The following FHOD3 variants were observed in gnomAD, a reference collection of about 807,000 sequenced individuals.
FHOD3 encodes FH1/FH2 domain-containing protein 3.
In FHOD3, 90 loss-of-function variants were observed where a neutral mutation model predicts 173.0. That is an observed-to-expected ratio of 0.52 (90% CI 0.44 to 0.62). The LOEUF (loss-of-function observed/expected upper bound fraction) is 0.62, where lower values mean the gene tolerates loss of function less well. FHOD3 is among the 20% of genes least tolerant of loss of function. The probability of loss-of-function intolerance (pLI) is 0.00; values close to 1 mark genes in which losing one functional copy is unlikely to be tolerated. For missense variants in FHOD3, 1,945 were observed against 2,034.7 expected (o/e 0.96, Z 0.85); for synonymous variants, 828 against 823.0 (o/e 1.01, Z -0.10).
chr18:36,728,534 G>T (rs1343407005), intron 19 of FHOD3, among the ~76,000 whole-genome samples: 1 of 151,848 alleles, frequency 6.6e-6, no homozygotes, highest in African/African-American at 2.4e-5. Flanking sequence ...CACAGGAATT[G>T]CCCCTCCTGA....
At chr18:36,468,888 G>C (rs2053113107) in intron 3 of FHOD3, among the ~76,000 whole-genome samples, 1 of 152,180 alleles carries the variant, frequency 6.6e-6, no homozygotes, top group African/African-American at 2.4e-5. Context: ...CAGACACTGA[G>C]AACCTTTGAG....
chr18:36,385,526 G>A (rs9957689), intron 3 of FHOD3, among the ~76,000 whole-genome samples: 66,188 of 151,860 alleles, frequency 0.44, 14,846 homozygotes, highest in East Asian at 0.68. Flanking sequence ...CCTTGTGAGT[G>A]GCTGGGATTA....
intron 6 of FHOD3, among the ~76,000 whole-genome samples, chr18:36,577,532 C>G (rs1206511363): frequency 6.6e-6 from 1 of 152,184 alleles, no homozygotes; most frequent in African/African-American, 2.4e-5. Context: ...AACTCCTGGC[C>G]TCAAATGATC....
At chr18:36,566,315 C>T (rs927236509) in intron 5 of FHOD3, among the ~76,000 whole-genome samples, 1 of 152,100 alleles carries the variant, frequency 6.6e-6, no homozygotes, top group African/African-American at 2.4e-5. Flanking sequence ...AAATTTTAAA[C>T]ATTTTTAAAA....
intron 3 of FHOD3, among the ~76,000 whole-genome samples, chr18:36,396,230 C>T (rs1411619427): frequency 6.6e-6 from 1 of 152,148 alleles, no homozygotes; most frequent in Non-Finnish European, 1.5e-5. Flanking sequence ...CTTTCTGAGT[C>T]AGTATCCTCA....
chr18:36,715,508 G>T (rs1414009665), intron 18 of FHOD3, among the ~76,000 whole-genome samples: 1 of 152,148 alleles, frequency 6.6e-6, no homozygotes, highest in Non-Finnish European at 1.5e-5. Flanking sequence ...AAGCCCCAAA[G>T]AGGCAAACCC....
intron 19 of FHOD3, among the ~76,000 whole-genome samples, chr18:36,720,699 TCTCCTC>T (rs952658443): frequency 1.3e-3 from 53 of 40,262 alleles, no homozygotes; most frequent in Non-Finnish European, 2.5e-3. Flanking sequence ...TCCCCCTCCT[TCTCCTC>T]CTCCTCCTCC....
rs543156808 is a variant in FHOD3, at chr18:36,334,033, A to G, written c.166-21506A>G. Among the ~76,000 whole-genome samples the G allele has an allele frequency of 1.8e-3, 278 of 152,314 alleles. 1 individual carries two copies. The highest frequency in any genetic ancestry group is 6.2e-3 in the African/African-American group (257 of 41,568). ...CCTTGACTGACCCCTGTCCTCCAGC[A>G]GGTCTGCTCAAGCTCTTGCATTCTC... On this transcript the variant is annotated intron_variant, in intron 1 of 28. Coordinates refer to ENST00000590592, the MANE Select transcript of FHOD3 (RefSeq NM_001281740.3).
At chr18:36,440,588 C>A (rs1003793077) in intron 3 of FHOD3, among the ~76,000 whole-genome samples, 1 of 152,250 alleles carries the variant, frequency 6.6e-6, no homozygotes, top group East Asian at 1.9e-4. Flanking sequence ...GACCACCAAG[C>A]CCCCAAGGGC....
At chr18:36,668,732 C>G (rs571713499) in intron 14 of FHOD3, among the ~76,000 whole-genome samples, 3 of 152,074 alleles carry the variant, frequency 2.0e-5, no homozygotes, top group East Asian at 1.9e-4. Context: ...TTTAAAAAGT[C>G]TTTACCCCAT....
intron 4 of FHOD3, 120 bp downstream of exon 4, chr18:36,502,119 A>G (rs1398077277): frequency 2.5e-5 from 14 of 563,748 alleles, no homozygotes; most frequent in Non-Finnish European, 3.1e-5. Context: ...CAATATTTAT[A>G]TTTAGATTAC....
intron 3 of FHOD3, among the ~76,000 whole-genome samples, chr18:36,402,506 T>TACACACAC (rs146120105): frequency 0.063 from 9,126 of 143,868 alleles, 295 homozygotes; most frequent in Middle Eastern, 0.11. Context: ...GATGCAATTA[T>TACACACAC]ACACACACAC....
chr18:36,473,974 C>T (rs1250567324), intron 3 of FHOD3, among the ~76,000 whole-genome samples: 1 of 152,202 alleles, frequency 6.6e-6, no homozygotes, highest in African/African-American at 2.4e-5. Context: ...CATTGCTGAT[C>T]CCACATCCCA....
intron 2 of FHOD3, among the ~76,000 whole-genome samples, chr18:36,362,007 G>A (rs2046650111): frequency 6.6e-6 from 1 of 152,222 alleles, no homozygotes; most frequent in Non-Finnish European, 1.5e-5. Context: ...AATGGACACT[G>A]GAATCAAAGG....
At chr18:36,505,890 A>G (rs1306767039) in intron 4 of FHOD3, among the ~76,000 whole-genome samples, 1 of 152,240 alleles carries the variant, frequency 6.6e-6, no homozygotes, top group Non-Finnish European at 1.5e-5. Flanking sequence ...GCACACATAA[A>G]TGAAATTTTG....
chr18:36,537,103 G>A (rs1182153812), intron 5 of FHOD3, among the ~76,000 whole-genome samples: 1 of 152,144 alleles, frequency 6.6e-6, no homozygotes, highest in Non-Finnish European at 1.5e-5. Flanking sequence ...ATCAGGCTTA[G>A]TGTGGATAGC....
intron 3 of FHOD3, among the ~76,000 whole-genome samples, chr18:36,404,418 G>T (rs1174178000): frequency 6.6e-6 from 1 of 152,232 alleles, no homozygotes; most frequent in Admixed American, 6.5e-5. Flanking sequence ...TGAATTAAAT[G>T]AGGTGAAAGT....
intron 5 of FHOD3, among the ~76,000 whole-genome samples, chr18:36,523,501 G>A (rs2056374357): frequency 1.3e-5 from 2 of 152,340 alleles, no homozygotes; most frequent in African/African-American, 4.8e-5. Context: ...CGCCACAGCT[G>A]ATTAGGGAAG....
At chr18:36,744,214 G>A in intron 23 of FHOD3, 21 bp downstream of exon 23, 1 of 1,600,490 alleles carries the variant, frequency 6.2e-7, no homozygotes, top group Non-Finnish European at 8.5e-7. Context: ...GGACGCTGAG[G>A]AGTGGGCCTG....
Sources: allele counts gnomAD v4.1 joint callset (sites outside exome capture counted in the v4.1 genomes callset), GRCh38; gene constraint gnomAD v4.1.1; transcripts MANE v1.5; gene names NCBI Gene and HGNC (gene_info 2026-07-23, HGNC 2026-07-21).